Variants in GFRA1 observed in about 807,000 individuals in gnomAD.
GFRA1 encodes the protein GDNF family receptor alpha-1.
GFRA1 carries 16 observed loss-of-function variants against 51.6 expected under a neutral mutation model. That is an observed-to-expected ratio of 0.31 (90% CI 0.21 to 0.47). The LOEUF (loss-of-function observed/expected upper bound fraction) is 0.47, where lower values mean the gene tolerates loss of function less well. Ranked by LOEUF, GFRA1 falls within the 20% of genes least tolerant of loss-of-function variation. The pLI is 1.00. For missense variants in GFRA1, 530 were observed against 594.3 expected, an observed-to-expected ratio of 0.89 and a Z score of 1.13; for synonymous variants, 270 against 241.3, an observed-to-expected ratio of 1.12 and a Z score of -1.10.
chr10:116,137,487 G>C (rs1958379133), intron 5 of GFRA1, among the ~76,000 whole-genome samples: 1 of 152,100 alleles, frequency 6.6e-6, no homozygotes, highest in East Asian at 1.9e-4. Context: ...GCCTTCACCT[G>C]CTTCCCAATT....
chr10:116,100,493 C>T (rs1462354686), intron 6 of GFRA1, among the ~76,000 whole-genome samples: 1 of 152,174 alleles, frequency 6.6e-6, no homozygotes, highest in Non-Finnish European at 1.5e-5. Flanking sequence ...TGGTCACTCA[C>T]TCAGGATGCC....
rs373584819 is a variant in GFRA1 at position 116,247,010 on chromosome 10, T to C, written c.418+22493A>G. Among the ~76,000 whole-genome samples, 15 of 152,288 alleles carry C rather than the reference T, an allele frequency of 9.8e-5. No individual in the cohort carries two copies. In the East Asian group the frequency reaches 2.9e-3, roughly 29 times the overall value. ...TACATGGTAAAAGATAAAATGAGGA[T>C]AGCATGAACAACAGCTCTGCCGAGG... On this transcript the variant is annotated intron_variant, in intron 4 of 10. Coordinates refer to ENST00000355422, the MANE Select transcript of GFRA1 (RefSeq NM_005264.8).
Position 116,111,590 on chromosome 10 carries a change from C to T in GFRA1, c.770+13631G>A, listed in dbSNP as rs184877215. 1.6e-3 allele frequency among the ~76,000 whole-genome samples: 239 copies of T among 152,262 alleles called. 1 individual carries two copies. The highest frequency in any genetic ancestry group is 5.6e-3 in the African/African-American group (233 of 41,556). On this transcript the variant is annotated intron_variant, in intron 6 of 10. Coordinates refer to ENST00000355422, the MANE Select transcript of GFRA1 (RefSeq NM_005264.8). ...CAGCAGGGGCTCCCTCTCCTGTGTC[C>T]TCCCCTAAGCCTACTCCCATCTGGT...
intron 5 of GFRA1, among the ~76,000 whole-genome samples, chr10:116,129,775 CAT>C (rs1958028308): frequency 6.6e-6 from 1 of 152,012 alleles, no homozygotes; most frequent in East Asian, 1.9e-4. Flanking sequence ...TTTATTGATA[CAT>C]AGTGTTTGTA....
intron 10 of GFRA1, 133 bp downstream of exon 10, chr10:116,065,440 T>A: frequency 1.3e-6 from 1 of 742,782 alleles, no homozygotes. Context: ...CAGACGGTCA[T>A]GGAGGGTGGC....
intron 6 of GFRA1, among the ~76,000 whole-genome samples, chr10:116,107,738 T>A (rs1440228145): frequency 6.6e-6 from 1 of 152,118 alleles, no homozygotes; most frequent in African/African-American, 2.4e-5. Flanking sequence ...TATCACAGCA[T>A]CTTGATGTTT....
chr10:116,176,633 T>C (rs1164599403), intron 5 of GFRA1, among the ~76,000 whole-genome samples: 2 of 152,110 alleles, frequency 1.3e-5, no homozygotes, highest in African/African-American at 4.8e-5. Context: ...CATGTAAATA[T>C]CTTTTCTTTA....
intron 4 of GFRA1, among the ~76,000 whole-genome samples, chr10:116,253,631 A>G (rs1968572871): frequency 6.6e-6 from 1 of 152,026 alleles, no homozygotes. Context: ...AAAATAAGAA[A>G]GAAACCAGGG....
chr10:116,144,105 A>ATT lies in GFRA1; in HGVS notation c.434-18550_434-18549dup, dbSNP rs1218822069. Among the ~76,000 whole-genome samples, 5 of 152,276 alleles carry ATT rather than the reference A, an allele frequency of 3.3e-5. No homozygotes were observed. In the East Asian group the frequency reaches 9.7e-4, roughly 29 times the overall value. ...TCTGAGGTGAGACCTTGAAATCTGC[A>ATT]TTTTAACACACTTTGCACGTGATTC... On this transcript the variant is annotated intron_variant, in intron 5 of 10. Transcript: ENST00000355422.
chr10:116,075,678 A>C (rs1955587748), intron 9 of GFRA1, among the ~76,000 whole-genome samples: 1 of 151,960 alleles, frequency 6.6e-6, no homozygotes. Flanking sequence ...GAAACTAACC[A>C]CCCTGCACTT....
At chr10:116,262,701 G>C (rs1195173731) in intron 4 of GFRA1, among the ~76,000 whole-genome samples, 2 of 152,116 alleles carry the variant, frequency 1.3e-5, no homozygotes, top group East Asian at 3.9e-4. Context: ...ATTGCTGAGG[G>C]GCAGGACAGG....
At chr10:116,166,268 T>C (rs1165233451) in intron 5 of GFRA1, among the ~76,000 whole-genome samples, 2 of 152,230 alleles carry the variant, frequency 1.3e-5, no homozygotes, top group Non-Finnish European at 2.9e-5. Flanking sequence ...TACACATGCA[T>C]GTGTCTTTAT....
At chr10:116,065,188 T>C (rs1955043124) in intron 10 of GFRA1, among the ~76,000 whole-genome samples, 1 of 152,216 alleles carries the variant, frequency 6.6e-6, no homozygotes, top group African/African-American at 2.4e-5. Context: ...GGAATGTATC[T>C]GCTCTAATCT....
chr10:116,152,097 G>A (rs904799643), intron 5 of GFRA1, among the ~76,000 whole-genome samples: 1 of 152,160 alleles, frequency 6.6e-6, no homozygotes, highest in Non-Finnish European at 1.5e-5. Flanking sequence ...GGGAAAGGCT[G>A]ATGGGGCAAG....
chr10:116,081,200 C>A (rs988304396), intron 9 of GFRA1, among the ~76,000 whole-genome samples: 2 of 152,180 alleles, frequency 1.3e-5, no homozygotes, highest in Admixed American at 1.3e-4. Context: ...GGCCTGGGAA[C>A]CCCAAAGTGT....
intron 5 of GFRA1, among the ~76,000 whole-genome samples, chr10:116,149,200 T>C (rs1958960903): frequency 6.6e-6 from 1 of 152,206 alleles, no homozygotes; most frequent in Admixed American, 6.5e-5. Flanking sequence ...GGTATAACAA[T>C]GAAGTCATTA....
chr10:116,149,365 C>T (rs1372713005), intron 5 of GFRA1, among the ~76,000 whole-genome samples: 1 of 152,070 alleles, frequency 6.6e-6, no homozygotes, highest in East Asian at 1.9e-4. Flanking sequence ...TTTAGCCCCC[C>T]ACAGCTTTAA....
intron 5 of GFRA1, among the ~76,000 whole-genome samples, chr10:116,175,569 C>T (rs917754347): frequency 1.3e-5 from 2 of 152,176 alleles, no homozygotes; most frequent in South Asian, 2.1e-4. Context: ...AGCTTTGCTT[C>T]GTAAGCTACA....
chr10:116,218,974 G>A (rs533135769), intron 4 of GFRA1, among the ~76,000 whole-genome samples: 3 of 151,936 alleles, frequency 2.0e-5, no homozygotes, highest in South Asian at 4.2e-4. Context: ...GGCACACAGT[G>A]CTCACTAAAT....
Sources: allele counts gnomAD v4.1 joint callset (sites outside exome capture counted in the v4.1 genomes callset), GRCh38; gene constraint gnomAD v4.1.1; transcripts MANE v1.5; gene names NCBI Gene and HGNC (gene_info 2026-07-23, HGNC 2026-07-21).